The following HMHB1 variants were observed in gnomAD, a reference collection of about 807,000 sequenced individuals.
HMHB1 encodes the protein histocompatibility minor HB-1, also known as minor histocompatibility protein HB-1.
A neutral mutation model predicts 2.4 loss-of-function variants in HMHB1; 4 were observed. That is an observed-to-expected ratio of 1.65 (90% CI 0.81 to 3.77). The LOEUF (loss-of-function observed/expected upper bound fraction) is 3.77. Among genes scored for constraint, HMHB1 ranks in the 30% most tolerant of loss-of-function variants. The pLI, the probability that HMHB1 is intolerant of heterozygous loss-of-function variation, is 0.01. For synonymous variants in HMHB1, 22 were observed against 17.6 expected (o/e 1.25, Z -0.63); for missense variants, 57 against 44.2 (o/e 1.29, Z -0.82).
chr5:143,818,099 G>A (rs1210893024), intron 1 of HMHB1, among the ~76,000 whole-genome samples: 2 of 152,146 alleles, frequency 1.3e-5, no homozygotes, highest in Non-Finnish European at 2.9e-5. Flanking sequence ...AGCATTCAAG[G>A]TAGGACACAT....
intron 1 of HMHB1, among the ~76,000 whole-genome samples, chr5:143,817,677 G>T (rs781379049): frequency 6.6e-5 from 10 of 152,060 alleles, no homozygotes; most frequent in Non-Finnish European, 1.5e-4. Flanking sequence ...TCTTGGTTTG[G>T]CTATGCGGGC....
At chr5:143,812,819 T>C (rs1223680054) in intron 1 of HMHB1, among the ~76,000 whole-genome samples, 1 of 152,128 alleles carries the variant, frequency 6.6e-6, no homozygotes, top group Admixed American at 6.5e-5. Flanking sequence ...ATTTCTCTCT[T>C]TCATCCTCAC....
intron 1 of HMHB1, among the ~76,000 whole-genome samples, chr5:143,814,050 T>C (rs1423780059): frequency 2.6e-5 from 4 of 152,224 alleles, no homozygotes; most frequent in Non-Finnish European, 5.9e-5. Flanking sequence ...TGACATGCAT[T>C]GAAGATAAAA....
At chr5:143,817,321 G>T (rs1010662700) in intron 1 of HMHB1, among the ~76,000 whole-genome samples, 1 of 152,160 alleles carries the variant, frequency 6.6e-6, no homozygotes, top group African/African-American at 2.4e-5. Flanking sequence ...TTCTCTTCTA[G>T]AATTTTTATA....
In HMHB1 at chr5:143,812,185, C is replaced by T; in HGVS notation, c.-83C>T. On this transcript the variant is annotated 5_prime_UTR_variant, in exon 1 of 2. Coordinates refer to ENST00000289448, the MANE Select transcript of HMHB1 (RefSeq NM_021182.3). The stretch of plus-strand genomic sequence containing the variant: ...ACCACATCCCAGGAGGCCGAGGCGG[C>T]TTGCCCCGCATCTCAGAAGCCGGGC... The T allele has an allele frequency of 7.5e-7, 1 of 1,341,816 alleles. No homozygotes were observed. The highest frequency in any genetic ancestry group is 1.5e-5 in the African/African-American group (1 of 68,428). The allele number at this position is 1,341,816 out of a possible 1,614,324, so 83.1% of individuals were successfully genotyped here.
intron 1 of HMHB1, among the ~76,000 whole-genome samples, chr5:143,817,576 A>T (rs1232317806): frequency 6.6e-6 from 1 of 152,170 alleles, no homozygotes; most frequent in East Asian, 1.9e-4. Flanking sequence ...GCCTATTTTT[A>T]TACCAGTACC....
At chr5:143,815,799 C>T (rs1032050607) in intron 1 of HMHB1, among the ~76,000 whole-genome samples, 16 of 150,454 alleles carry the variant, frequency 1.1e-4, no homozygotes, top group Non-Finnish European at 1.3e-4. Flanking sequence ...CTCCGCTTCC[C>T]GGGTTCACGC....
intron 1 of HMHB1, among the ~76,000 whole-genome samples, chr5:143,818,333 G>C (rs1411197170): frequency 6.6e-6 from 1 of 152,104 alleles, no homozygotes; most frequent in Non-Finnish European, 1.5e-5. Flanking sequence ...GGTAAAATTT[G>C]AAAGGACATC....
Position 143,812,255 on chromosome 5 carries a change from G to A in HMHB1, c.-13G>A. 6.4e-7 allele frequency: 1 copy of A among 1,551,638 alleles called. No individual in the cohort carries two copies. The highest frequency in any genetic ancestry group is 8.7e-7 in the Non-Finnish European group (1 of 1,146,952). ...CTCACATCCTCTGCCACACCACAGTGGAGAAACCAGAACTGGAGGAGCAGC... is the reference window on the plus strand; with the variant it reads ...CTCACATCCTCTGCCACACCACAGTAGAGAAACCAGAACTGGAGGAGCAGC... On this transcript the variant is annotated 5_prime_UTR_variant, in exon 1 of 2. Transcript: ENST00000289448.
At chr5:143,815,852 G>A (rs113804938) in intron 1 of HMHB1, among the ~76,000 whole-genome samples, 26,279 of 150,310 alleles carry the variant, frequency 0.17, 3,124 homozygotes, top group East Asian at 0.38. Flanking sequence ...GACTACAGGC[G>A]CCCGCTACCG....
chr5:143,818,161 T>A (rs1416021403), intron 1 of HMHB1, among the ~76,000 whole-genome samples: 1 of 152,230 alleles, frequency 6.6e-6, no homozygotes, highest in Non-Finnish European at 1.5e-5. Flanking sequence ...ATTATTGAAC[T>A]TCTATATTAT....
chr5:143,814,026 A>G (rs547283676), intron 1 of HMHB1, among the ~76,000 whole-genome samples: 6 of 152,218 alleles, frequency 3.9e-5, no homozygotes, highest in Non-Finnish European at 8.8e-5. Context: ...GAAATTTCAT[A>G]GCATCATTCT....
chr5:143,815,208 A>C (rs1290717261), intron 1 of HMHB1, among the ~76,000 whole-genome samples: 2 of 152,152 alleles, frequency 1.3e-5, no homozygotes, highest in Non-Finnish European at 1.5e-5. Flanking sequence ...AATTACCACA[A>C]ATTTAGTAGT....
At chr5:143,813,911 T>C (rs189735126) in intron 1 of HMHB1, among the ~76,000 whole-genome samples, 31 of 152,318 alleles carry the variant, frequency 2.0e-4, no homozygotes, top group Admixed American at 2.0e-3. Context: ...GAGGCAAATA[T>C]GGCACATGAT....
chr5:143,820,546 C>G lies in HMHB1; in HGVS notation c.104C>G (p.Ser35Cys), dbSNP rs1172655890. 1.9e-6 allele frequency: 3 copies of G among 1,612,366 alleles called. No individual in the cohort carries two copies. The South Asian group carries it at 3.3e-5, about 18-fold the overall frequency. ...GATGATGTGTATCTGAGGCACAGCTCTTCCCTGACTTATAGGCTTTGACAC... is the reference window on the plus strand; with the variant it reads ...GATGATGTGTATCTGAGGCACAGCTGTTCCCTGACTTATAGGCTTTGACAC... Residue 35 changes from serine (S) to cysteine (C), a missense_variant, in exon 2 of 2, where the codon TCT becomes TGT. By Grantham distance (112) the Ser-to-Cys change is moderately radical. Coordinates refer to ENST00000289448, the MANE Select transcript of HMHB1 (RefSeq NM_021182.3).
In HMHB1 at chr5:143,820,318, T is replaced by TTAAAAAAAAAA. The variant is rs1224094703; in HGVS notation, c.38-162_38-161insTAAAAAAAAAA. 2.1e-4 allele frequency among the ~76,000 whole-genome samples: 10 copies of TTAAAAAAAAAA among 47,578 alleles called. 1 individual carries two copies. The highest frequency in any genetic ancestry group is 5.8e-4 in the Admixed American group (2 of 3,458). The allele number at this position is 47,578 out of a possible 152,430, so 31.2% of individuals were successfully genotyped here. ...AGGTGCTGCCCCGGCTCATCATAAG[T>TTAAAAAAAAAA]AAAAAAAAAAAAAAAAAAAAAAAAA... On this transcript the variant is annotated intron_variant, in intron 1 of 1. Transcript: ENST00000289448.
In HMHB1 at chr5:143,820,318, T is replaced by TAAAAAAAAAAAAAAA. The variant is rs60960654; in HGVS notation, c.38-144_38-130dup. 2.4e-3 allele frequency among the ~76,000 whole-genome samples: 114 copies of TAAAAAAAAAAAAAAA among 47,572 alleles called. 3 individuals carry two copies. Among genetic ancestry groups the TAAAAAAAAAAAAAAA allele is most frequent in the Non-Finnish European group, 3.6e-3 (88 of 24,484 alleles). The allele number at this position is 47,572 out of a possible 152,430, so 31.2% of individuals were successfully genotyped here. A position where few individuals can be genotyped will look rare whatever the true frequency, so the allele number is the denominator to read the frequency against. The stretch of plus-strand genomic sequence containing the variant: ...AGGTGCTGCCCCGGCTCATCATAAG[T>TAAAAAAAAAAAAAAA]AAAAAAAAAAAAAAAAAAAAAAAAA... On this transcript the variant is annotated intron_variant, in intron 1 of 1. Coordinates refer to ENST00000289448, the MANE Select transcript of HMHB1 (RefSeq NM_021182.3).
intron 1 of HMHB1, among the ~76,000 whole-genome samples, chr5:143,813,045 G>A (rs927357853): frequency 6.6e-6 from 1 of 152,008 alleles, no homozygotes; most frequent in African/African-American, 2.4e-5. Flanking sequence ...TGTTGGTGCC[G>A]TGCACTGAAG....
At position 143,815,896 on chromosome 5, in the gene HMHB1, C is replaced by T. The variant is rs1285991749; in HGVS notation, c.37+3592C>T. Among the ~76,000 whole-genome samples, 9 of 148,682 alleles carry T rather than the reference C, an allele frequency of 6.1e-5. No individual in the cohort carries two copies. In the South Asian group the frequency reaches 1.5e-3, roughly 24 times the overall value. On this transcript the variant is annotated intron_variant, in intron 1 of 1. Coordinates refer to ENST00000289448, the MANE Select transcript of HMHB1 (RefSeq NM_021182.3). ...TAATTTTTTGTATTTTTAGTAGAGA[C>T]GGGGTTTCACCTTGTTAGCCAGGAT...
Sources: gnomAD v4.1 joint callset for allele counts (sites outside exome capture counted in the v4.1 genomes callset) on GRCh38, gnomAD v4.1.1 for gene constraint, MANE v1.5 for transcripts, NCBI Gene and HGNC (gene_info 2026-07-23, HGNC 2026-07-21) for gene names.